VMP1: variants seen among roughly 807,000 people sequenced by gnomAD.
VMP1 encodes vacuole membrane protein 1.
In VMP1, 11 loss-of-function variants were observed where a neutral mutation model predicts 56.0. The observed-to-expected ratio is 0.20, with a 90% CI of 0.12 to 0.32. The LOEUF (loss-of-function observed/expected upper bound fraction) is 0.32. VMP1 is among the 10% of genes least tolerant of loss of function. The pLI, the probability that VMP1 is intolerant of heterozygous loss-of-function variation, is 1.00. For missense variants in VMP1, 296 were observed against 490.3 expected, an observed-to-expected ratio of 0.60 and a Z score of 3.74; for synonymous variants, 149 against 165.0, an observed-to-expected ratio of 0.90 and a Z score of 0.74.
intron 7 of VMP1, among the ~76,000 whole-genome samples, chr17:59,807,157 C>G (rs750092585): frequency 2.6e-5 from 4 of 151,472 alleles, no homozygotes; most frequent in African/African-American, 4.8e-5. Context: ...CTTTGTTTCT[C>G]CTCTCTATGA....
At chr17:59,749,564 G>A (rs1208751412) in intron 5 of VMP1, among the ~76,000 whole-genome samples, 1 of 151,072 alleles carries the variant, frequency 6.6e-6, no homozygotes, top group Admixed American at 6.6e-5. Flanking sequence ...AAACTGGAGT[G>A]CAGTGGTGTG....
At chr17:59,748,090 G>A (rs1328435329) in intron 5 of VMP1, among the ~76,000 whole-genome samples, 1 of 151,614 alleles carries the variant, frequency 6.6e-6, no homozygotes, top group Non-Finnish European at 1.5e-5. Flanking sequence ...CAGCTACTCG[G>A]CAGGCTGAGG....
chr17:59,812,897 C>G (rs1414708238), intron 9 of VMP1, among the ~76,000 whole-genome samples: 2 of 152,140 alleles, frequency 1.3e-5, no homozygotes, highest in African/African-American at 4.8e-5. Flanking sequence ...CGCCACTGCA[C>G]TCCAGCCTGG....
chr17:59,746,102 T>C (rs750893096), intron 5 of VMP1, among the ~76,000 whole-genome samples: 6 of 152,246 alleles, frequency 3.9e-5, no homozygotes, highest in Non-Finnish European at 7.3e-5. Context: ...AAATATTAGA[T>C]ACCTACGTGT....
chr17:59,715,674 T>G (rs977446276), intron 1 of VMP1, among the ~76,000 whole-genome samples: 2 of 152,330 alleles, frequency 1.3e-5, no homozygotes, highest in Non-Finnish European at 2.9e-5. Flanking sequence ...TTATTTAGGC[T>G]CTGTATAATT....
chr17:59,831,260 C>T (rs949250735), intron 10 of VMP1, among the ~76,000 whole-genome samples: 2 of 152,202 alleles, frequency 1.3e-5, no homozygotes, highest in Non-Finnish European at 2.9e-5. Context: ...TAACCTTGAA[C>T]TCCTAGGCTC....
At chr17:59,835,190 G>T (rs941823623) in intron 10 of VMP1, among the ~76,000 whole-genome samples, 9 of 150,536 alleles carry the variant, frequency 6.0e-5, no homozygotes, top group South Asian at 2.1e-4. Context: ...GTGCAATGGC[G>T]TGGTCTCAGC....
chr17:59,812,774 C>T (rs369873488), intron 9 of VMP1, among the ~76,000 whole-genome samples: 6 of 151,694 alleles, frequency 4.0e-5, no homozygotes, highest in South Asian at 2.1e-4. Context: ...CTACTGAAAA[C>T]GCAAAAATTA....
At chr17:59,821,120 G>A (rs972219726) in intron 10 of VMP1, among the ~76,000 whole-genome samples, 4 of 151,610 alleles carry the variant, frequency 2.6e-5, no homozygotes, top group East Asian at 3.9e-4. Context: ...ACAGGCGCCC[G>A]CCTCCATGCC....
intron 5 of VMP1, among the ~76,000 whole-genome samples, chr17:59,750,203 C>A (rs1214285125): frequency 3.3e-5 from 5 of 151,976 alleles, no homozygotes; most frequent in Non-Finnish European, 5.9e-5. Context: ...TTTATTTCTC[C>A]AGCAAATAAG....
chr17:59,800,570 C>G (rs775093127), intron 7 of VMP1, among the ~76,000 whole-genome samples: 55 of 152,074 alleles, frequency 3.6e-4, no homozygotes, highest in Non-Finnish European at 6.2e-4. Flanking sequence ...GCTCCAAATC[C>G]AAAAGAAAGC....
At chr17:59,839,184 G>A (rs1384011381) in intron 11 of VMP1, 1 of 152,292 alleles carries the variant, frequency 6.6e-6, no homozygotes, top group Non-Finnish European at 1.5e-5. Flanking sequence ...AATAGAAACA[G>A]GGTTTCACCG....
In VMP1 at chr17:59,818,282, G is replaced by A. The variant is rs188003029; in HGVS notation, c.974+509G>A. 2.3e-3 allele frequency among the ~76,000 whole-genome samples: 355 copies of A among 152,090 alleles called. 6 individuals carry two copies. Among genetic ancestry groups the A allele is most frequent in the Admixed American group, 0.02 (311 of 15,256 alleles). On this transcript the variant is annotated intron_variant, in intron 10 of 11. Coordinates refer to ENST00000262291, the MANE Select transcript of VMP1 (RefSeq NM_030938.5). ...CTCAGGAGGCTGAGGCAGGAGAATC[G>A]CTTGAACCTGGGAGGCAGAGGTTGC...
chr17:59,821,705 A>G lies in VMP1; in HGVS notation c.974+3932A>G, dbSNP rs35592152. On this transcript the variant is annotated intron_variant, in intron 10 of 11. Transcript: ENST00000262291. ...GCAGCTGGGATTATAGGCATGTGCC[A>G]TCATGCCCGGCTAATTTTTTATTTT... 2.3e-3 allele frequency among the ~76,000 whole-genome samples: 350 copies of G among 152,040 alleles called. 3 individuals carry two copies. The Middle Eastern group carries it at 0.027, about 12-fold the overall frequency.
intron 10 of VMP1, among the ~76,000 whole-genome samples, chr17:59,835,428 G>C (rs2144341021): frequency 6.6e-6 from 1 of 151,572 alleles, no homozygotes; most frequent in South Asian, 2.1e-4. Flanking sequence ...CACCTGGCCA[G>C]AGTACTGTTA....
chr17:59,723,598 A>C (rs1598292491), intron 1 of VMP1, among the ~76,000 whole-genome samples: 1 of 152,344 alleles, frequency 6.6e-6, no homozygotes, highest in South Asian at 2.1e-4. Flanking sequence ...TTTGATGATG[A>C]GTAAGTGGAG....
intron 7 of VMP1, among the ~76,000 whole-genome samples, chr17:59,800,955 C>T (rs2037619049): frequency 6.6e-6 from 1 of 151,742 alleles, no homozygotes; most frequent in Non-Finnish European, 1.5e-5. Context: ...TAGCGCGTGC[C>T]TGTAATCCCA....
intron 3 of VMP1, among the ~76,000 whole-genome samples, chr17:59,737,043 A>G (rs1160159866): frequency 6.6e-6 from 1 of 152,230 alleles, no homozygotes; most frequent in Non-Finnish European, 1.5e-5. Flanking sequence ...TCAAAAAAAA[A>G]TAAAAATAAG....
intron 10 of VMP1, among the ~76,000 whole-genome samples, chr17:59,833,373 A>G (rs2038879082): frequency 6.6e-6 from 1 of 152,160 alleles, no homozygotes; most frequent in Admixed American, 6.5e-5. Context: ...GAGGTAGAGA[A>G]ATGAAAAACA....
Sources: gnomAD v4.1 joint callset for allele counts (sites outside exome capture counted in the v4.1 genomes callset) on GRCh38, gnomAD v4.1.1 for gene constraint, MANE v1.5 for transcripts, NCBI Gene and HGNC (gene_info 2026-07-23, HGNC 2026-07-21) for gene names.